The following FANK1 variants were observed in gnomAD, a reference collection of about 807,000 sequenced individuals.
FANK1 encodes the protein fibronectin type III and ankyrin repeat domains 1, also known as fibronectin type 3 and ankyrin repeat domains protein 1.
In FANK1, 44 loss-of-function variants were observed where a neutral mutation model predicts 45.3. The ratio of observed to expected loss-of-function variants is 0.97; its 90% CI spans 0.76 to 1.25. FANK1 has a LOEUF of 1.25. FANK1 is among the 50% of genes most tolerant of loss of function. The pLI is 0.00. For synonymous variants in FANK1, 149 were observed against 152.5 expected, an observed-to-expected ratio of 0.98 and a Z score of 0.17; for missense variants, 391 against 424.4, an observed-to-expected ratio of 0.92 and a Z score of 0.69.
intron 1 of FANK1, among the ~76,000 whole-genome samples, chr10:125,908,720 A>T (rs1462562649): frequency 3.9e-5 from 6 of 152,130 alleles, no homozygotes; most frequent in African/African-American, 1.4e-4. Context: ...ATGTAACCAA[A>T]CACCATCTGT....
Position 126,008,460 on chromosome 10 carries a change from G to A in FANK1, c.759G>A (p.Ala253=), listed in dbSNP as rs183641727. ...SGWTPLMRVS[A]VSGNQRVASL... is the part of the protein sequence containing the mutation. ...GGACCCCACTCATGAGAGTCTCTGC[G>A]GTGTCGGGAAATCAGAGGGTGGCCT... Residue 253 remains alanine, a synonymous_variant, in exon 8 of 11, where the codon GCG becomes GCA. Transcript: ENST00000368693. The A allele has an allele frequency of 8.0e-4, 1,287 of 1,613,570 alleles. 6 individuals are homozygous for A. The highest frequency in any genetic ancestry group is 5.9e-4 in the Non-Finnish European group (701 of 1,179,760).
chr10:125,970,144 C>T (rs886487928), intron 1 of FANK1, among the ~76,000 whole-genome samples: 1 of 152,216 alleles, frequency 6.6e-6, no homozygotes, highest in East Asian at 1.9e-4. Flanking sequence ...GTTGGGTACA[C>T]CTCCCAGACG....
intron 1 of FANK1, among the ~76,000 whole-genome samples, chr10:125,970,869 A>T (rs1208017235): frequency 2.0e-5 from 3 of 151,954 alleles, no homozygotes; most frequent in Non-Finnish European, 4.4e-5. Flanking sequence ...GGAGAGGGAG[A>T]GCTTGAGCTT....
chr10:126,002,763 C>CTTTTTTTTT (rs375158618), intron 6 of FANK1, among the ~76,000 whole-genome samples: 8 of 113,206 alleles, frequency 7.1e-5, no homozygotes, highest in Admixed American at 9.7e-5. Context: ...TTTGCCTCTC[C>CTTTTTTTTT]TTTTTTTTTT....
intron 1 of FANK1, among the ~76,000 whole-genome samples, chr10:125,906,675 C>T (rs576040438): frequency 7.4e-4 from 112 of 152,212 alleles, no homozygotes; most frequent in African/African-American, 2.4e-3. Context: ...ACTCCTAGCT[C>T]TCTTCAGTGA....
chr10:125,932,767 A>G (rs1947835631), intron 1 of FANK1, among the ~76,000 whole-genome samples: 4 of 152,124 alleles, frequency 2.6e-5, no homozygotes, highest in Admixed American at 2.6e-4. Context: ...GAAATTGGGC[A>G]TCCTTGTCTT....
intron 3 of FANK1, among the ~76,000 whole-genome samples, chr10:125,993,565 G>T (rs1324587799): frequency 1.3e-5 from 2 of 152,108 alleles, no homozygotes; most frequent in African/African-American, 4.8e-5. Flanking sequence ...CATCCCCTTC[G>T]TTGTGGCAAT....
intron 6 of FANK1, chr10:126,004,620 T>G (rs78513738): frequency 0.034 from 13,687 of 402,394 alleles, 842 homozygotes; most frequent in East Asian, 0.15. Flanking sequence ...TCAGACAATA[T>G]GTGGCCTTTC....
intron 1 of FANK1, among the ~76,000 whole-genome samples, chr10:125,920,742 A>G (rs1487334431): frequency 1.3e-5 from 2 of 152,208 alleles, no homozygotes; most frequent in African/African-American, 4.8e-5. Flanking sequence ...ACAACCTTTT[A>G]TGAAATTAGG....
chr10:125,971,926 C>T lies in FANK1; in HGVS notation c.14-8235C>T, dbSNP rs79168246. 7.3e-4 allele frequency among the ~76,000 whole-genome samples: 111 copies of T among 152,220 alleles called. 1 individual carries two copies. In the East Asian group the frequency reaches 0.012, roughly 16 times the overall value. On this transcript the variant is annotated intron_variant, in intron 1 of 10. Transcript: ENST00000368693. ...ACAGGTGTGAGCCACTGCGCCCGGC[C>T]GCTCCGGTCTACATTTTATATCTCT...
At position 125,995,545 on chromosome 10, in the gene FANK1, T is replaced by G. The variant is rs753701348; in HGVS notation, c.398+47T>G. The G allele has an allele frequency of 2.6e-6, 4 of 1,546,000 alleles. No individual in the cohort carries two copies. The South Asian group carries it at 4.5e-5, about 17-fold the overall frequency. On this transcript the variant is annotated intron_variant, in intron 4 of 10. Coordinates refer to ENST00000368693, the MANE Select transcript of FANK1 (RefSeq NM_145235.5). The stretch of plus-strand genomic sequence containing the variant: ...TTTTTTTTCCCCCATGCCTATAAAG[T>G]GCATAGAAATACATGCAGTAGTTTC...
intron 1 of FANK1, among the ~76,000 whole-genome samples, chr10:125,954,088 G>C (rs1949421322): frequency 1.5e-5 from 1 of 67,360 alleles, no homozygotes; most frequent in Admixed American, 1.2e-4. Context: ...CCACTGTGGA[G>C]TTGGACCGTA....
At chr10:125,956,179 C>G (rs1949557441) in intron 1 of FANK1, among the ~76,000 whole-genome samples, 1 of 114,460 alleles carries the variant, frequency 8.7e-6, no homozygotes, top group Admixed American at 1.3e-4. Context: ...AAGCTTAAAC[C>G]AGTACTTCTA....
intron 1 of FANK1, among the ~76,000 whole-genome samples, chr10:125,963,742 A>T (rs968232201): frequency 1.3e-5 from 2 of 152,126 alleles, no homozygotes; most frequent in African/African-American, 4.8e-5. Context: ...GGGGCCTGTC[A>T]TGGGGTGTGG....
At chr10:125,927,385 A>G (rs1048645028) in intron 1 of FANK1, among the ~76,000 whole-genome samples, 26 of 152,244 alleles carry the variant, frequency 1.7e-4, no homozygotes, top group South Asian at 2.1e-4. Flanking sequence ...TTCTTTTGTC[A>G]GCTTTAGACT....
chr10:125,987,629 C>T (rs4420176), intron 2 of FANK1, among the ~76,000 whole-genome samples: 52,229 of 151,804 alleles, frequency 0.34, 9,618 homozygotes, highest in South Asian at 0.45. Context: ...GGAGTTTAGT[C>T]GGATAAGAAG....
intron 1 of FANK1, among the ~76,000 whole-genome samples, chr10:125,937,832 G>A (rs1202453626): frequency 2.0e-5 from 3 of 152,170 alleles, no homozygotes. Flanking sequence ...AGGTGGAAGG[G>A]ATAGGTGAGG....
chr10:125,897,885 G>A (rs80006834), intron 1 of FANK1, among the ~76,000 whole-genome samples: 1 of 151,186 alleles, frequency 6.6e-6, no homozygotes, highest in Non-Finnish European at 1.5e-5. Flanking sequence ...GGCCTGGCCC[G>A]GTGGCTCACG....
At chr10:126,009,024 A>C in intron 8 of FANK1, 30 bp from the exon 9 acceptor site, 1 of 1,609,550 alleles carries the variant, frequency 6.2e-7, no homozygotes, top group South Asian at 1.1e-5. Flanking sequence ...GGAGAAGCTC[A>C]TGCACACCAC....
Sources: allele counts gnomAD v4.1 joint callset (sites outside exome capture counted in the v4.1 genomes callset), GRCh38; gene constraint gnomAD v4.1.1; transcripts MANE v1.5; gene names NCBI Gene and HGNC (gene_info 2026-07-23, HGNC 2026-07-21).